Variants in DTHD1 observed in about 807,000 individuals in gnomAD.
The protein encoded by DTHD1 is death domain containing 1, also known as death domain-containing protein 1.
A neutral mutation model predicts 74.8 loss-of-function variants in DTHD1; 59 were observed. That is an observed-to-expected ratio of 0.79 (90% CI 0.64 to 0.98). The LOEUF is 0.98. Ranked by LOEUF, DTHD1 falls within the 50% of genes least tolerant of loss-of-function variation. DTHD1 has a pLI of 0.00. For synonymous variants in DTHD1, 365 were observed against 371.1 expected, an observed-to-expected ratio of 0.98 and a Z score of 0.19; for missense variants, 1,051 against 1,065.4, an observed-to-expected ratio of 0.99 and a Z score of 0.19.
At chr4:36,327,568 C>A (rs1037433376) in intron 8 of DTHD1, among the ~76,000 whole-genome samples, 1 of 152,212 alleles carries the variant, frequency 6.6e-6, no homozygotes, top group South Asian at 2.1e-4. Flanking sequence ...AAGTCTTATG[C>A]ATTTTAACGA....
At chr4:36,341,214 G>A (rs769549798) in intron 9 of DTHD1, among the ~76,000 whole-genome samples, 8 of 152,102 alleles carry the variant, frequency 5.3e-5, no homozygotes, top group Non-Finnish European at 8.8e-5. Flanking sequence ...TACCACAATA[G>A]CTTGACACAG....
Position 36,345,852 on chromosome 4 carries a change from A to G in DTHD1, c.*2028A>G, listed in dbSNP as rs747519461. The G allele has an allele frequency of 3.3e-5, 5 of 152,300 alleles. No homozygotes were observed. The highest frequency in any genetic ancestry group is 5.9e-5 in the Non-Finnish European group (4 of 68,022). The allele number at this position is 152,300 out of a possible 1,614,324, so 9.4% of individuals were successfully genotyped here. The stretch of plus-strand genomic sequence containing the variant: ...AGAAAATATTTCTATTTCTATCGGT[A>G]TAGATGTATCTAAGGACACTCACAT... On this transcript the variant is annotated 3_prime_UTR_variant, in exon 10 of 10. Coordinates refer to ENST00000639862, the MANE Select transcript of DTHD1 (RefSeq NM_001170700.3).
At position 36,281,834 on chromosome 4, in the gene DTHD1, A is replaced by G; in HGVS notation, c.76A>G (p.Lys26Glu). 1 of 1,244,802 alleles carries G rather than the reference A, an allele frequency of 8.0e-7. No individual in the cohort carries two copies. The highest frequency in any genetic ancestry group is 1.0e-6 in the Non-Finnish European group (1 of 992,968). The allele number at this position is 1,244,802 out of a possible 1,614,324, so 77.1% of individuals were successfully genotyped here. A position where few individuals can be genotyped will look rare whatever the true frequency, so the allele number is the denominator to read the frequency against. Reference protein sequence around the residue: ...KQIWRQNQMLKQALLGDDLCE... With the variant: ...KQIWRQNQMLEQALLGDDLCE... ...GATTTGGAGACAAAACCAGATGCTA[A>G]AGCAGGCACTCTTGGGTGATGACCT... Residue 26 changes from lysine (K) to glutamate (E), a missense_variant, in exon 1 of 10, where the codon AAG becomes GAG. Physicochemically the swap from Lys to Glu is moderately conservative, Grantham distance 56. Coordinates refer to ENST00000639862, the MANE Select transcript of DTHD1 (RefSeq NM_001170700.3).
chr4:36,289,537 GT>G (rs1430715780), intron 2 of DTHD1, among the ~76,000 whole-genome samples: 3 of 152,212 alleles, frequency 2.0e-5, no homozygotes, highest in African/African-American at 7.2e-5. Flanking sequence ...GAGCCTCAGT[GT>G]TTTTATCTGT....
Position 36,344,845 on chromosome 4 carries a change from A to AT in DTHD1, c.*1022dup, listed in dbSNP as rs1489310751. 6.6e-6 allele frequency: 1 copy of AT among 152,164 alleles called. No homozygotes were observed. Among genetic ancestry groups the AT allele is most frequent in the African/African-American group, 2.4e-5 (1 of 41,448 alleles). 9.4% of individuals were successfully genotyped at this position (152,164 alleles called of 1,614,324 possible). On this transcript the variant is annotated 3_prime_UTR_variant, in exon 10 of 10. Transcript: ENST00000639862. ...GACTCAGGCAACCAATTCAAGTTACATAGATACCATAGAGCCTACAGTAAA... is the reference window on the plus strand; with the variant it reads ...GACTCAGGCAACCAATTCAAGTTACATTAGATACCATAGAGCCTACAGTAAA...
In DTHD1 at chr4:36,327,813, G is replaced by A. The variant is rs191007435; in HGVS notation, c.2341-11299G>A. ...TATTTTCTGAAATATCTAGATCTTT[G>A]CCCACTTTATATCTGTACACATTCC... is the stretch of plus-strand genomic sequence containing the variant. On this transcript the variant is annotated intron_variant, in intron 8 of 9. Coordinates refer to ENST00000639862, the MANE Select transcript of DTHD1 (RefSeq NM_001170700.3). 5.8e-4 allele frequency among the ~76,000 whole-genome samples: 88 copies of A among 151,888 alleles called. No homozygotes were observed. The Middle Eastern group carries it at 0.01, about 18-fold the overall frequency.
Position 36,344,939 on chromosome 4 carries a change from T to C in DTHD1, c.*1115T>C, listed in dbSNP as rs1481358723. On this transcript the variant is annotated 3_prime_UTR_variant, in exon 10 of 10. Coordinates refer to ENST00000639862, the MANE Select transcript of DTHD1 (RefSeq NM_001170700.3). Reference sequence around the variant, plus strand: ...GTAACTCACTTTAAAAAAACCTTTCTAAGCTCGAAATAAATTAAAAATAGA... The same window carrying C: ...GTAACTCACTTTAAAAAAACCTTTCCAAGCTCGAAATAAATTAAAAATAGA... 1 of 152,182 alleles carries C rather than the reference T, an allele frequency of 6.6e-6. No individual in the cohort carries two copies. The highest frequency in any genetic ancestry group is 1.5e-5 in the Non-Finnish European group (1 of 68,022). The allele number at this position is 152,182 out of a possible 1,614,324, so 9.4% of individuals were successfully genotyped here.
At position 36,294,856 on chromosome 4, in the gene DTHD1, C is replaced by T. The variant is rs1192564295; in HGVS notation, c.1460C>T (p.Ser487Leu). ...AAAGCACAGCAAGATACTTTCTACT[C>T]AGTCCAATCCACAAGCCCTCTGATT... ...HLKAQQDTFY[S>L]VQSTSPLIHI... is the part of the protein sequence containing the mutation. Residue 487 changes from serine (S) to leucine (L), a missense_variant, in exon 5 of 10, where the codon TCA becomes TTA. Ser to Leu is a moderately radical substitution (Grantham distance 145). Transcript: ENST00000639862. 1.9e-6 allele frequency: 3 copies of T among 1,551,470 alleles called. No homozygotes were observed. The highest frequency in any genetic ancestry group is 2.6e-6 in the Non-Finnish European group (3 of 1,146,506).
intron 1 of DTHD1, 102 bp from the exon 2 acceptor site, chr4:36,283,873 GT>G: frequency 1.2e-6 from 1 of 834,992 alleles, no homozygotes; most frequent in Non-Finnish European, 1.8e-6. Context: ...GTCTTTGTAG[GT>G]TTCTAAAATT....
intron 7 of DTHD1, among the ~76,000 whole-genome samples, chr4:36,312,538 A>G (rs573486334): frequency 2.0e-5 from 3 of 151,998 alleles, no homozygotes; most frequent in Admixed American, 6.6e-5. Context: ...AGGGTGTAGC[A>G]GGCTTGCAGT....
intron 8 of DTHD1, among the ~76,000 whole-genome samples, chr4:36,318,913 C>G (rs1270310878): frequency 2.0e-5 from 3 of 152,144 alleles, no homozygotes; most frequent in Non-Finnish European, 2.9e-5. Context: ...TATGCCTGGC[C>G]TCTTCTGTGC....
At chr4:36,343,470 C>A in intron 9 of DTHD1, 32 bp from the exon 10 acceptor site, 1 of 1,537,516 alleles carries the variant, frequency 6.5e-7, no homozygotes, top group Non-Finnish European at 8.8e-7. Context: ...GGAGAGGGTC[C>A]TAACCGTGAG....
chr4:36,316,376 G>A lies in DTHD1; in HGVS notation c.2230G>A (p.Val744Ile), dbSNP rs1482331685. Residue 744 changes from valine (V) to isoleucine (I), a missense_variant, in exon 8 of 10, where the codon GTT becomes ATT. Transcript: ENST00000639862. The stretch of plus-strand genomic sequence containing the variant: ...CCCTCATTACAAAGGCACCATTGTC[G>A]TTTATAAAGTACCTAAAGGAAAGAT... ...SCPHYKGTIV[V>I]YKVPKGKIVP... 3.9e-6 allele frequency: 6 copies of A among 1,551,954 alleles called. No homozygotes were observed. The highest frequency in any genetic ancestry group is 1.4e-5 in the African/African-American group (1 of 73,034).
chr4:36,326,155 C>A (rs1007748368), intron 8 of DTHD1, among the ~76,000 whole-genome samples: 1 of 152,000 alleles, frequency 6.6e-6, no homozygotes, highest in Non-Finnish European at 1.5e-5. Flanking sequence ...ATTGTGACAG[C>A]AATGACTCCA....
intron 2 of DTHD1, among the ~76,000 whole-genome samples, chr4:36,289,972 A>G (rs1755963178): frequency 6.6e-6 from 1 of 152,146 alleles, no homozygotes; most frequent in Admixed American, 6.6e-5. Context: ...AATTGAGGAA[A>G]TTATTCAAGT....
intron 3 of DTHD1, among the ~76,000 whole-genome samples, chr4:36,292,270 G>T (rs955153756): frequency 1.3e-5 from 2 of 152,042 alleles, no homozygotes; most frequent in African/African-American, 4.8e-5. Flanking sequence ...GTCACAAAAT[G>T]GGTTTGGAAG....
chr4:36,331,991 C>T (rs1043922712), intron 8 of DTHD1, among the ~76,000 whole-genome samples: 4 of 152,054 alleles, frequency 2.6e-5, no homozygotes, highest in South Asian at 2.1e-4. Context: ...ATTAAAAATA[C>T]GGCATTCTGG....
chr4:36,314,043 G>T (rs1163189071), intron 7 of DTHD1, among the ~76,000 whole-genome samples: 2 of 148,544 alleles, frequency 1.3e-5, no homozygotes, highest in African/African-American at 5.0e-5. Flanking sequence ...ACAAACCCTG[G>T]CTACTCATTT....
At position 36,316,876 on chromosome 4, in the gene DTHD1, T is replaced by C. The variant is rs188890880; in HGVS notation, c.2340+390T>C. On this transcript the variant is annotated intron_variant, in intron 8 of 9. Transcript: ENST00000639862. ...AAAAATGACCTCAAAATATTTATACTGAAACTTACCAGATTCTGCATGGTT... is the reference window on the plus strand; with the variant it reads ...AAAAATGACCTCAAAATATTTATACCGAAACTTACCAGATTCTGCATGGTT... Among the ~76,000 whole-genome samples, 49 of 152,346 alleles carry C rather than the reference T, an allele frequency of 3.2e-4. No individual in the cohort carries two copies. The East Asian group carries it at 9.0e-3, about 28-fold the overall frequency.
Sources: allele counts gnomAD v4.1 joint callset (sites outside exome capture counted in the v4.1 genomes callset), GRCh38; gene constraint gnomAD v4.1.1; transcripts MANE v1.5; gene names NCBI Gene and HGNC (gene_info 2026-07-23, HGNC 2026-07-21).